Variants in CHL1 observed in about 807,000 individuals in gnomAD.
CHL1 encodes neural cell adhesion molecule L1-like protein.
In CHL1, 96 loss-of-function variants were observed where a neutral mutation model predicts 141.9. The observed-to-expected ratio is 0.68, with a 90% CI of 0.57 to 0.80. The LOEUF (loss-of-function observed/expected upper bound fraction) is 0.80, where lower values mean the gene tolerates loss of function less well. Among genes scored for constraint, CHL1 ranks in the 30% least tolerant of loss-of-function variants. The pLI, the probability that CHL1 is intolerant of heterozygous loss-of-function variation, is 0.00. For synonymous variants in CHL1, 613 were observed against 502.2 expected (o/e 1.22, Z -2.95); for missense variants, 1,820 against 1,457.2 (o/e 1.25, Z -4.05).
chr3:294,860 A>T (rs185887124), intron 2 of CHL1, among the ~76,000 whole-genome samples: 4 of 152,352 alleles, frequency 2.6e-5, no homozygotes, highest in Admixed American at 1.3e-4. Flanking sequence ...TGGCATAGTT[A>T]CATGTCATTA....
chr3:376,293 A>G (rs953981284), intron 15 of CHL1: 2 of 469,648 alleles, frequency 4.3e-6, no homozygotes, highest in African/African-American at 4.0e-5. Context: ...ATGTGTGACA[A>G]CTATTTGTGA....
intron 5 of CHL1, among the ~76,000 whole-genome samples, chr3:336,891 GC>G (rs1025093490): frequency 2.1e-4 from 32 of 152,302 alleles, no homozygotes; most frequent in African/African-American, 7.5e-4. Context: ...AGACTCCTGT[GC>G]AGCTAGCTTG....
chr3:203,452 G>T (rs1359618470), intron 1 of CHL1, among the ~76,000 whole-genome samples: 1 of 152,232 alleles, frequency 6.6e-6, no homozygotes, highest in Non-Finnish European at 1.5e-5. Context: ...GTAAAACATG[G>T]CTTCCTCTCA....
chr3:240,268 A>T (rs541392516), intron 1 of CHL1, among the ~76,000 whole-genome samples: 47 of 152,080 alleles, frequency 3.1e-4, no homozygotes, highest in Admixed American at 9.2e-4. Flanking sequence ...TATTTTTTAA[A>T]TTTTTTTCAT....
chr3:337,434 G>T (rs1701977797), intron 5 of CHL1, among the ~76,000 whole-genome samples: 2 of 151,860 alleles, frequency 1.3e-5, no homozygotes, highest in Non-Finnish European at 1.5e-5. Context: ...AGTTACATAT[G>T]TATACGTGTG....
In CHL1 at chr3:394,821, C is replaced by G. The variant is rs372458632; in HGVS notation, c.3043C>G (p.Gln1015Glu). The change falls in exon 24 of 28, where the codon CAG becomes GAG. Residue 1015 changes from glutamine (Q) to glutamate (E), a missense_variant. Transcript: ENST00000256509. ...YKFYLRACTS[Q>E]GCGKPITEES... is the part of the protein sequence containing the mutation. ...ATTCTACTTGAGGGCTTGCACTTCACAGGGCTGTGGAAAACCGATCACGGA... is the reference window on the plus strand; with the variant it reads ...ATTCTACTTGAGGGCTTGCACTTCAGAGGGCTGTGGAAAACCGATCACGGA... 3.1e-6 allele frequency: 5 copies of G among 1,613,914 alleles called. No homozygotes were observed. In the Admixed American group the frequency reaches 8.3e-5, roughly 27 times the overall value.
At chr3:341,758 G>T (rs187664361) in intron 6 of CHL1, among the ~76,000 whole-genome samples, 154 bp from the exon 7 acceptor site, 3 of 152,048 alleles carry the variant, frequency 2.0e-5, no homozygotes, top group African/African-American at 7.2e-5. Context: ...TTTCCTATTT[G>T]CTCATTGTTC....
intron 2 of CHL1, among the ~76,000 whole-genome samples, chr3:265,966 G>A (rs2125220781): frequency 6.6e-6 from 1 of 152,342 alleles, no homozygotes; most frequent in East Asian, 1.9e-4. Flanking sequence ...GATGGTTGGG[G>A]CTTTGAAGCC....
Position 382,664 on chromosome 3 carries a change from A to C in CHL1, c.2169A>C (p.Pro723=). The change falls in exon 18 of 28, where the codon CCA becomes CCC. Residue 723 remains proline (P), a synonymous_variant. Coordinates refer to ENST00000256509, the MANE Select transcript of CHL1 (RefSeq NM_006614.4). The stretch of plus-strand genomic sequence containing the variant: ...AGCCGTCAGACCATCATGAAACACC[A>C]CCAGCAGGTATGCAGGTTCTCACAT... ...PSQPSDHHET[P]PAAPDRNPQN... is the part of the protein sequence containing the mutation. The C allele has an allele frequency of 1.2e-6, 2 of 1,613,442 alleles. No homozygotes were observed. The highest frequency in any genetic ancestry group is 4.5e-5 in the East Asian group (2 of 44,852).
chr3:325,456 A>C (rs1357039382), intron 3 of CHL1, among the ~76,000 whole-genome samples: 2 of 87,862 alleles, frequency 2.3e-5, no homozygotes, highest in Non-Finnish European at 4.7e-5. Flanking sequence ...ACCTGGAAAG[A>C]AAAAAAATGG....
intron 1 of CHL1, among the ~76,000 whole-genome samples, chr3:205,668 C>T (rs560063416): frequency 4.6e-5 from 7 of 151,914 alleles, no homozygotes; most frequent in Non-Finnish European, 7.4e-5. Flanking sequence ...TGCGCGCGCA[C>T]GTGTATGTGT....
intron 2 of CHL1, among the ~76,000 whole-genome samples, chr3:294,921 G>A (rs1421209867): frequency 2.0e-5 from 3 of 152,074 alleles, no homozygotes; most frequent in Non-Finnish European, 2.9e-5. Context: ...TTTACTATGT[G>A]CCAGACACTA....
In CHL1 at chr3:391,660, T is replaced by C; in HGVS notation, c.2792-15T>C. The C allele has an allele frequency of 6.3e-7, 1 of 1,580,026 alleles. No homozygotes were observed. Among genetic ancestry groups the C allele is most frequent in the Non-Finnish European group, 8.6e-7 (1 of 1,160,878 alleles). Reference sequence around the variant, plus strand: ...CTAATTGATGTGAGTTTATTTTTGGTCTTGTGTTTTCTAGTACCTGAACAG... The same window carrying C: ...CTAATTGATGTGAGTTTATTTTTGGCCTTGTGTTTTCTAGTACCTGAACAG... On this transcript the variant is annotated splice_polypyrimidine_tract_variant and intron_variant, in intron 22 of 27. Transcript: ENST00000256509.
chr3:238,285 C>T (rs1692191849), intron 1 of CHL1, among the ~76,000 whole-genome samples: 1 of 152,016 alleles, frequency 6.6e-6, no homozygotes, highest in Non-Finnish European at 1.5e-5. Context: ...TTTTCAATCC[C>T]AGTTTCTTAA....
intron 11 of CHL1, among the ~76,000 whole-genome samples, chr3:355,859 T>A (rs1703668023): frequency 6.6e-6 from 1 of 152,136 alleles, no homozygotes; most frequent in African/African-American, 2.4e-5. Context: ...ACTGCCTGGG[T>A]TTGCATACTG....
At chr3:198,096 C>G in intron 1 of CHL1, 1 of 282,816 alleles carries the variant, frequency 3.5e-6, no homozygotes, top group South Asian at 3.0e-5. Context: ...GGCCCAGGTA[C>G]CCCCGCCCCA....
chr3:304,619 A>T (rs1253811599), intron 2 of CHL1, among the ~76,000 whole-genome samples: 1 of 151,020 alleles, frequency 6.6e-6, no homozygotes, highest in African/African-American at 2.4e-5. Context: ...CATCTATTTG[A>T]TTCTTCTCTC....
chr3:404,144 C>A (rs1428956948), intron 27 of CHL1, among the ~76,000 whole-genome samples: 20 of 152,170 alleles, frequency 1.3e-4, no homozygotes, highest in Non-Finnish European at 1.5e-5. Flanking sequence ...CTCCCCACAG[C>A]AGGGAAAATA....
At chr3:326,146 G>C (rs1354824995) in intron 4 of CHL1, 82 bp downstream of exon 4, 3 of 773,648 alleles carry the variant, frequency 3.9e-6, no homozygotes, top group Non-Finnish European at 6.3e-6. Flanking sequence ...TCACAAGCCT[G>C]TTGGACTATG....
Sources: allele counts gnomAD v4.1 joint callset (sites outside exome capture counted in the v4.1 genomes callset), GRCh38; gene constraint gnomAD v4.1.1; transcripts MANE v1.5; gene names NCBI Gene and HGNC (gene_info 2026-07-23, HGNC 2026-07-21).